ZDHHC24: variants seen among roughly 807,000 people sequenced by gnomAD.
ZDHHC24 encodes the protein probable palmitoyltransferase ZDHHC24.
A neutral mutation model predicts 23.2 loss-of-function variants in ZDHHC24; 17 were observed. That is an observed-to-expected ratio of 0.73 (90% CI 0.50 to 1.10). The LOEUF is 1.10. Ranked by LOEUF, ZDHHC24 falls within the 50% of genes least tolerant of loss-of-function variation. ZDHHC24 has a pLI of 0.00. For synonymous variants in ZDHHC24, 186 were observed against 194.5 expected, an observed-to-expected ratio of 0.96 and a Z score of 0.36; for missense variants, 366 against 393.0, an observed-to-expected ratio of 0.93 and a Z score of 0.58.
In ZDHHC24 at chr11:66,540,366, G is replaced by A. The variant is rs187696335; in HGVS notation, c.560-542C>T. ...CGCTTTAACCTGGGAGGCAGAGGTT[G>A]CAGTGAGCTGAGATCACGCCACTGC... On this transcript the variant is annotated intron_variant, in intron 2 of 2. Coordinates refer to ENST00000310442, the MANE Select transcript of ZDHHC24 (RefSeq NM_207340.3). 5.1e-3 allele frequency among the ~76,000 whole-genome samples: 747 copies of A among 146,400 alleles called. 6 individuals carry two copies. The highest frequency in any genetic ancestry group is 0.017 in the African/African-American group (686 of 39,298).
chr11:66,543,246 T>A (rs1478165701), intron 2 of ZDHHC24, among the ~76,000 whole-genome samples: 1 of 152,030 alleles, frequency 6.6e-6, no homozygotes, highest in Non-Finnish European at 1.5e-5. Context: ...CTCCTGCCTG[T>A]CACTTTCACT....
rs1320582010 is a variant in ZDHHC24, at chr11:66,543,708, G to C, written c.555C>G (p.Leu185=). The C allele has an allele frequency of 6.3e-7, 1 of 1,582,288 alleles. No individual in the cohort carries two copies. Among genetic ancestry groups the C allele is most frequent in the Non-Finnish European group, 8.6e-7 (1 of 1,164,466 alleles). The change falls in exon 2 of 3, where the codon CTC becomes CTG. Residue 185 remains leucine (L), a synonymous_variant. Transcript: ENST00000310442. Reference sequence around the variant, plus strand: ...GAGGCCTCCCAGGCTCCCCACCTGTGAGCAACATGAGCCAGGGAAGCAGGA... The same window carrying C: ...GAGGCCTCCCAGGCTCCCCACCTGTCAGCAACATGAGCCAGGGAAGCAGGA... ...ALLLLPWLML[L]TGRVSLAQFA...
exon 5 of ZDHHC24, chr11:66,521,113 C>T: frequency 2.9e-6 from 2 of 695,182 alleles, no homozygotes; most frequent in Non-Finnish European, 5.2e-6. Context: ...TAAATGTTGC[C>T]CCAAGTTTCC....
intron 4 of ZDHHC24, among the ~76,000 whole-genome samples, chr11:66,522,263 C>T (rs1335596493): frequency 6.6e-6 from 1 of 151,538 alleles, no homozygotes; most frequent in Non-Finnish European, 1.5e-5. Context: ...AAAAAATTTC[C>T]CATATTTGTT....
intron 4 of ZDHHC24, chr11:66,526,890 C>G: frequency 6.2e-7 from 1 of 1,612,254 alleles, no homozygotes; most frequent in Non-Finnish European, 8.5e-7. Flanking sequence ...GCCCAGCCTC[C>G]CTGTGCACTG....
Position 66,535,832 on chromosome 11 carries a change from G to A in ZDHHC24, c.*3697C>T, listed in dbSNP as rs570682023. On this transcript the variant is annotated 3_prime_UTR_variant, in exon 3 of 3. Coordinates refer to ENST00000310442, the MANE Select transcript of ZDHHC24 (RefSeq NM_207340.3). ...AAGGTTACATGGAAGAGCAAGGGCC[G>A]AGACTAGAGTTTAGGAGATGATTCC... The A allele has an allele frequency of 2.6e-5, 4 of 152,188 alleles. No individual in the cohort carries two copies. The highest frequency in any genetic ancestry group is 7.2e-5 in the African/African-American group (3 of 41,446). The allele number at this position is 152,188 out of a possible 1,614,324, so 9.4% of individuals were successfully genotyped here.
At chr11:66,522,749 C>T (rs1037273452) in intron 4 of ZDHHC24, 3 of 228,434 alleles carry the variant, frequency 1.3e-5, no homozygotes, top group African/African-American at 4.7e-5. Context: ...AAATATGGTC[C>T]CTGTCCTCAT....
chr11:66,529,115 C>T, intron 3 of ZDHHC24: 1 of 983,018 alleles, frequency 1.0e-6, no homozygotes, highest in Non-Finnish European at 1.2e-6. Flanking sequence ...GCAGAAGCCA[C>T]TTCACACATA....
chr11:66,533,147 T>C (rs1220683901), downstream of ZDHHC24: 1 of 152,224 alleles, frequency 6.6e-6, no homozygotes, highest in Non-Finnish European at 1.5e-5. Flanking sequence ...CAGTAAGTGT[T>C]CATAAAGCAA....
chr11:66,526,073 CT>C, intron 4 of ZDHHC24: 1 of 1,582,670 alleles, frequency 6.3e-7, no homozygotes, highest in Non-Finnish European at 8.7e-7. Context: ...CCCTGTCTTG[CT>C]TTCCTCTCCA....
chr11:66,529,279 T>G (rs1279286529), intron 3 of ZDHHC24: 1 of 1,533,340 alleles, frequency 6.5e-7, no homozygotes, highest in Non-Finnish European at 8.7e-7. Flanking sequence ...CTAGGTGACT[T>G]GATGGACAGG....
chr11:66,545,722 C>T lies in ZDHHC24; in HGVS notation c.281+1G>A. On this transcript the variant is annotated splice_donor_variant, in intron 1 of 2. Coordinates refer to ENST00000310442, the MANE Select transcript of ZDHHC24 (RefSeq NM_207340.3). LOFTEE classifies it high-confidence loss of function. The surrounding 1 kb of genome is among the most constrained non-coding windows in gnomAD (Gnocchi z 4.5). ...CCCGCCCGATCCCGCACCCCACTCA[C>T]GCCCAGCCCTGGCCCAGACCGCGGC... The T allele has an allele frequency of 1.3e-6, 2 of 1,551,678 alleles. No homozygotes were observed. The highest frequency in any genetic ancestry group is 1.7e-6 in the Non-Finnish European group (2 of 1,155,602).
rs1036675188 is a variant in ZDHHC24 at position 66,535,856 on chromosome 11, C to T, written c.*3673G>A. 1 of 152,028 alleles carries T rather than the reference C, an allele frequency of 6.6e-6. No homozygotes were observed. The highest frequency in any genetic ancestry group is 1.5e-5 in the Non-Finnish European group (1 of 68,016). The allele number at this position is 152,028 out of a possible 1,614,324, so 9.4% of individuals were successfully genotyped here. ...CGAGACTAGAGTTTAGGAGATGATT[C>T]CCAAAGGGCACAGGGGCAGAAAAAT... On this transcript the variant is annotated 3_prime_UTR_variant, in exon 3 of 3. Coordinates refer to ENST00000310442, the MANE Select transcript of ZDHHC24 (RefSeq NM_207340.3).
In ZDHHC24 at chr11:66,543,706, G is replaced by T. The variant is rs1278620299; in HGVS notation, c.557C>A (p.Thr186Lys). ...LLLLPWLMLL[T>K]GRVSLAQFAL... ...CAGAGGCCTCCCAGGCTCCCCACCT[G>T]TGAGCAACATGAGCCAGGGAAGCAG... The change falls in exon 2 of 3, where the codon ACA becomes AAA. Residue 186 changes from threonine (T) to lysine (K), a missense_variant and splice_region_variant. Coordinates refer to ENST00000310442, the MANE Select transcript of ZDHHC24 (RefSeq NM_207340.3). 1 of 1,580,660 alleles carries T rather than the reference G, an allele frequency of 6.3e-7. No homozygotes were observed. Among genetic ancestry groups the T allele is most frequent in the Non-Finnish European group, 8.6e-7 (1 of 1,163,570 alleles).
At chr11:66,526,393 A>T (rs1268821161) in intron 4 of ZDHHC24, among the ~76,000 whole-genome samples, 2 of 152,214 alleles carry the variant, frequency 1.3e-5, no homozygotes, top group Non-Finnish European at 2.9e-5. Context: ...CGATCTTTCT[A>T]GTTCACCCAG....
downstream of ZDHHC24, among the ~76,000 whole-genome samples, chr11:66,533,978 G>A (rs1022154338): frequency 2.6e-5 from 4 of 152,076 alleles, no homozygotes; most frequent in African/African-American, 4.8e-5. Flanking sequence ...AGACCAGCCC[G>A]GCCAACATGG....
In ZDHHC24 at chr11:66,537,158, T is replaced by C. The variant is rs1856994602; in HGVS notation, c.*2371A>G. The C allele has an allele frequency of 6.6e-6, 1 of 151,956 alleles. No homozygotes were observed. The allele number at this position is 151,956 out of a possible 1,614,324, so 9.4% of individuals were successfully genotyped here. A position where few individuals can be genotyped will look rare whatever the true frequency, so the allele number is the denominator to read the frequency against. On this transcript the variant is annotated 3_prime_UTR_variant, in exon 3 of 3. Transcript: ENST00000310442. ...ATGGGAGGCCCCCCAGCAGTATCTA[T>C]GGACTTTCACTTAACCCCATTTTTT...
chr11:66,529,828 G>T, intron 2 of ZDHHC24: 2 of 1,611,024 alleles, frequency 1.2e-6, no homozygotes, highest in Non-Finnish European at 8.5e-7. Context: ...GCCATGCACC[G>T]GGCCTTCCAG....
At chr11:66,531,682 C>T (rs768856497), downstream of ZDHHC24, 1 of 1,614,166 alleles carries the variant, frequency 6.2e-7, no homozygotes, top group Non-Finnish European at 8.5e-7. Flanking sequence ...CAGGGCTCAA[C>T]TACCCCCTGG....
Sources: allele counts gnomAD v4.1 joint callset (sites outside exome capture counted in the v4.1 genomes callset), GRCh38; gene constraint gnomAD v4.1.1; non-coding constraint Gnocchi (gnomAD v3.1); transcripts MANE v1.5; gene names NCBI Gene and HGNC (gene_info 2026-07-23, HGNC 2026-07-21).